The following FYN variants were observed in gnomAD, a reference collection of about 807,000 sequenced individuals.
FYN encodes FYN proto-oncogene, Src family tyrosine kinase.
A neutral mutation model predicts 70.2 loss-of-function variants in FYN; 10 were observed. The ratio of observed to expected loss-of-function variants is 0.14; its 90% confidence interval spans 0.09 to 0.24. FYN has a LOEUF of 0.24. FYN is among the 10% of genes least tolerant of loss of function. The pLI is 1.00. For synonymous variants in FYN, 236 were observed against 248.6 expected (o/e 0.95, Z 0.48); for missense variants, 319 against 673.1 (o/e 0.47, Z 5.82).
At chr6:111,705,326 T>C (rs1800022746) in intron 6 of FYN, among the ~76,000 whole-genome samples, 1 of 152,040 alleles carries the variant, frequency 6.6e-6, no homozygotes, top group Non-Finnish European at 1.5e-5. Flanking sequence ...CTTGGATAAG[T>C]AAAGGCATTT....
At chr6:111,803,845 G>C (rs1489216350) in intron 2 of FYN, among the ~76,000 whole-genome samples, 1 of 152,186 alleles carries the variant, frequency 6.6e-6, no homozygotes, top group Admixed American at 6.5e-5. Context: ...GAAATGCACA[G>C]CTTCCCAAAG....
intron 12 of FYN, among the ~76,000 whole-genome samples, chr6:111,678,146 GT>G (rs1583295407): frequency 6.7e-6 from 1 of 149,408 alleles, no homozygotes; most frequent in East Asian, 2.0e-4. Flanking sequence ...GTGTGTGTGT[GT>G]GTGGTGTGTG....
intron 12 of FYN, among the ~76,000 whole-genome samples, chr6:111,685,326 G>C (rs995427731): frequency 3.3e-5 from 5 of 152,264 alleles, no homozygotes; most frequent in Non-Finnish European, 5.9e-5. Context: ...GGGATACTGT[G>C]TGGGAACAGT....
At chr6:111,739,994 T>C (rs1322032986) in intron 3 of FYN, among the ~76,000 whole-genome samples, 1 of 152,154 alleles carries the variant, frequency 6.6e-6, no homozygotes, top group Non-Finnish European at 1.5e-5. Context: ...CAGCTAATTT[T>C]GGTATTTTTA....
chr6:111,827,533 C>T (rs1019070706), intron 2 of FYN, among the ~76,000 whole-genome samples: 7 of 152,182 alleles, frequency 4.6e-5, no homozygotes, highest in Non-Finnish European at 8.8e-5. Context: ...CCTTTTGGGT[C>T]ACCAGCGGCT....
At chr6:111,870,803 A>G (rs1040322552) in intron 1 of FYN, among the ~76,000 whole-genome samples, 1 of 152,210 alleles carries the variant, frequency 6.6e-6, no homozygotes, top group South Asian at 2.1e-4. Flanking sequence ...AGGAGAAAGC[A>G]GAGTGTGCAT....
intron 3 of FYN, among the ~76,000 whole-genome samples, chr6:111,768,342 G>A (rs1803313277): frequency 6.6e-6 from 1 of 152,210 alleles, no homozygotes; most frequent in African/African-American, 2.4e-5. Context: ...TTTCAACTGT[G>A]AGTTTGTCTT....
chr6:111,684,588 G>T lies in FYN; in HGVS notation c.1273+9787C>A, dbSNP rs906902825. 2.6e-5 allele frequency among the ~76,000 whole-genome samples: 4 copies of T among 152,278 alleles called. No homozygotes were observed. The East Asian group carries it at 7.7e-4, about 29-fold the overall frequency. On this transcript the variant is annotated intron_variant, in intron 12 of 13. Coordinates refer to ENST00000354650, the MANE Select transcript of FYN (RefSeq NM_002037.5). ...ATCCAGACATGGAGGCTACCAGAAG[G>T]TAAACTGTGACATTCCTTCCAAATA...
At position 111,660,527 on chromosome 6, in the gene FYN, G is replaced by A. The variant is rs963821727; in HGVS notation, c.*1212C>T. ...ATGTAATTTAAGGTTGGTACAAACAGCAACTAAAAATGTAATACTTTTTTG... is the reference window on the plus strand; with the variant it reads ...ATGTAATTTAAGGTTGGTACAAACAACAACTAAAAATGTAATACTTTTTTG... On this transcript the variant is annotated 3_prime_UTR_variant, in exon 14 of 14. Transcript: ENST00000354650. The A allele has an allele frequency of 6.6e-6, 1 of 152,208 alleles. No individual in the cohort carries two copies. Among genetic ancestry groups the A allele is most frequent in the African/African-American group, 2.4e-5 (1 of 41,466 alleles). The allele number at this position is 152,208 out of a possible 1,614,324, so 9.4% of individuals were successfully genotyped here.
chr6:111,703,137 C>G, intron 7 of FYN, 103 bp from the exon 8 acceptor site: 1 of 1,031,806 alleles, frequency 9.7e-7, no homozygotes. Flanking sequence ...CAAGGATGCA[C>G]ACACACATGT....
chr6:111,833,559 G>A (rs779238168), intron 2 of FYN, among the ~76,000 whole-genome samples: 4 of 152,092 alleles, frequency 2.6e-5, no homozygotes, highest in Non-Finnish European at 2.9e-5. Flanking sequence ...ATACCAAGAT[G>A]GAATCTACTC....
intron 1 of FYN, among the ~76,000 whole-genome samples, chr6:111,847,751 G>A (rs888549993): frequency 2.6e-5 from 4 of 152,102 alleles, no homozygotes; most frequent in African/African-American, 4.8e-5. Context: ...AAGATGACTC[G>A]GAATGAAGGA....
intron 3 of FYN, among the ~76,000 whole-genome samples, chr6:111,742,872 A>G (rs919638894): frequency 3.3e-5 from 5 of 152,176 alleles, no homozygotes; most frequent in Admixed American, 1.3e-4. Flanking sequence ...CGTGCAACCA[A>G]TGAGTTACAA....
rs1311166044 is a variant in FYN at position 111,661,751 on chromosome 6, A to C, written c.1602T>G (p.Gly534=). The change falls in exon 14 of 14, where the codon GGT becomes GGG. Residue 534 remains glycine (G), a synonymous_variant. Transcript: ENST00000354650. This position sits in a 1 kb window ranked among gnomAD's most constrained non-coding sequence, Gnocchi z 4.0. ...GCAGACCCGGGCCTTACAGGTTTTC[A>C]CCAGGTTGGTACTGGGGCTCTGTCG... The part of the protein sequence containing the change: ...FTATEPQYQP[G]ENL 2 of 1,613,970 alleles carry C rather than the reference A, an allele frequency of 1.2e-6. No homozygotes were observed. Among genetic ancestry groups the C allele is most frequent in the South Asian group, 2.2e-5 (2 of 91,080 alleles).
chr6:111,815,759 C>T (rs1426401056), intron 2 of FYN, among the ~76,000 whole-genome samples: 9 of 150,366 alleles, frequency 6.0e-5, no homozygotes, highest in Non-Finnish European at 8.9e-5. Context: ...CTCTCTGTTG[C>T]CCAGGCTGGA....
chr6:111,764,097 G>C (rs977800174), intron 3 of FYN, among the ~76,000 whole-genome samples: 16 of 151,590 alleles, frequency 1.1e-4, no homozygotes, highest in Non-Finnish European at 2.1e-4. Context: ...GTTGGAGCTG[G>C]GTGAGGTTGC....
At chr6:111,788,587 G>A (rs1376951926) in intron 2 of FYN, among the ~76,000 whole-genome samples, 1 of 152,188 alleles carries the variant, frequency 6.6e-6, no homozygotes, top group African/African-American at 2.4e-5. Context: ...TGGCTATCCT[G>A]TGCAACATGA....
At chr6:111,669,384 G>A (rs2237253) in intron 13 of FYN, among the ~76,000 whole-genome samples, 52,697 of 144,162 alleles carry the variant, frequency 0.37, 10,847 homozygotes, top group Middle Eastern at 0.5. Context: ...GCAGTGAACC[G>A]AGATCATGCC....
At chr6:111,740,775 G>A (rs1801925910) in intron 3 of FYN, among the ~76,000 whole-genome samples, 1 of 152,056 alleles carries the variant, frequency 6.6e-6, no homozygotes, top group Non-Finnish European at 1.5e-5. Context: ...TTTCCCCTTT[G>A]CCTGAAATGC....
Sources: allele counts gnomAD v4.1 joint callset (sites outside exome capture counted in the v4.1 genomes callset), GRCh38; gene constraint gnomAD v4.1.1; non-coding constraint Gnocchi (gnomAD v3.1); transcripts MANE v1.5; gene names NCBI Gene and HGNC (gene_info 2026-07-23, HGNC 2026-07-21).